Variants in CDH23 observed in about 807,000 individuals in gnomAD.
CDH23 encodes the protein cadherin related 23, also known as cadherin-23.
In CDH23, 189 loss-of-function variants were observed where a neutral mutation model predicts 317.1. The observed-to-expected ratio is 0.60, with a 90% CI of 0.53 to 0.67. The LOEUF (loss-of-function observed/expected upper bound fraction) is 0.67. Ranked by LOEUF, CDH23 falls within the 30% of genes least tolerant of loss-of-function variation. The pLI is 0.00. For synonymous variants in CDH23, 1,839 were observed against 1,876.8 expected, an observed-to-expected ratio of 0.98 and a Z score of 0.52; for missense variants, 4,401 against 4,592.4, an observed-to-expected ratio of 0.96 and a Z score of 1.20.
chr10:71,489,621 G>GTA lies in CDH23; in HGVS notation c.146-20460_146-20459insAT, dbSNP rs1425203579. Among the ~76,000 whole-genome samples the GTA allele has an allele frequency of 2.6e-5, 4 of 151,696 alleles. 1 individual carries two copies. The highest frequency in any genetic ancestry group is 2.6e-4 in the Admixed American group (4 of 15,214). Reference sequence around the variant, plus strand: ...TGTGTGTGTGTGTGTGTGTGTGTGTGTGTGTGTGTGTGTGAATTTTGACTG... The same window carrying GTA: ...TGTGTGTGTGTGTGTGTGTGTGTGTGTATGTGTGTGTGTGTGAATTTTGACTG... On this transcript the variant is annotated intron_variant, in intron 3 of 69. Transcript: ENST00000224721.
chr10:71,618,849 G>A (rs1011949053), intron 11 of CDH23, among the ~76,000 whole-genome samples: 6 of 152,126 alleles, frequency 3.9e-5, no homozygotes, highest in African/African-American at 1.2e-4. Flanking sequence ...ACACGTGTGT[G>A]TGTGTGTACA....
intron 7 of CDH23, among the ~76,000 whole-genome samples, chr10:71,569,613 T>A (rs1857644818): frequency 6.6e-6 from 1 of 152,164 alleles, no homozygotes; most frequent in African/African-American, 2.4e-5. Flanking sequence ...GTGGCAAATT[T>A]TTATGTGAAA....
intron 6 of CDH23, among the ~76,000 whole-genome samples, chr10:71,513,163 G>A (rs997134848): frequency 3.9e-5 from 6 of 152,018 alleles, no homozygotes; most frequent in East Asian, 1.9e-4. Context: ...TTAATTGCTC[G>A]TGTGTAAACA....
chr10:71,446,924 G>C (rs1309835551), intron 3 of CDH23, among the ~76,000 whole-genome samples: 1 of 152,192 alleles, frequency 6.6e-6, no homozygotes, highest in Non-Finnish European at 1.5e-5. Context: ...TCAGCTCTTA[G>C]GACCCAGAAG....
chr10:71,415,809 C>A (rs558208904), intron 1 of CDH23, among the ~76,000 whole-genome samples: 38 of 152,202 alleles, frequency 2.5e-4, no homozygotes, highest in African/African-American at 7.9e-4. Context: ...GGATTTCATA[C>A]TTTTTACAGT....
At chr10:71,719,929 G>T (rs1029221177) in intron 28 of CDH23, 1 of 152,826 alleles carries the variant, frequency 6.5e-6, no homozygotes, top group African/African-American at 2.4e-5. Flanking sequence ...ATGCCCCCTG[G>T]CCTTCCCACC....
intron 3 of CDH23, among the ~76,000 whole-genome samples, chr10:71,456,409 A>AATAACACTAAT (rs1850698630): frequency 7.0e-6 from 1 of 142,512 alleles, no homozygotes; most frequent in African/African-American, 3.1e-5. Context: ...CTAAGGTGAT[A>AATAACACTAAT]GAACAGACTG....
At chr10:71,772,322 T>C (rs1840704163) in intron 38 of CDH23, among the ~76,000 whole-genome samples, 1 of 152,168 alleles carries the variant, frequency 6.6e-6, no homozygotes, top group Non-Finnish European at 1.5e-5. Context: ...TCCTGCCCAC[T>C]GGGTCCCTGT....
chr10:71,610,879 A>T (rs1449329195), intron 9 of CDH23, among the ~76,000 whole-genome samples: 3 of 152,030 alleles, frequency 2.0e-5, no homozygotes, highest in Non-Finnish European at 4.4e-5. Context: ...AATTTGAATC[A>T]CCAGTTCCCA....
intron 3 of CDH23, among the ~76,000 whole-genome samples, chr10:71,473,421 G>A (rs937738165): frequency 2.6e-5 from 4 of 152,308 alleles, no homozygotes. Flanking sequence ...CTGTGTGCCG[G>A]ATATGATGTT....
intron 1 of CDH23, among the ~76,000 whole-genome samples, chr10:71,406,182 A>G (rs1394666360): frequency 6.6e-6 from 1 of 152,194 alleles, no homozygotes; most frequent in African/African-American, 2.4e-5. Context: ...TGTGAGAAGG[A>G]TAAGTATTAA....
At chr10:71,740,267 G>A (rs1839697484) in intron 36 of CDH23, among the ~76,000 whole-genome samples, 1 of 152,232 alleles carries the variant, frequency 6.6e-6, no homozygotes. Context: ...GGCTTTCTGG[G>A]AACCTCAGGA....
chr10:71,760,222 T>TATAC lies in CDH23; in HGVS notation c.4846-17455_4846-17454insCATA, dbSNP rs1564780241. On this transcript the variant is annotated intron_variant, in intron 38 of 69. Coordinates refer to ENST00000224721, the MANE Select transcript of CDH23 (RefSeq NM_022124.6). ...ACATATATATGTGTGTATATATGTG[T>TATAC]ATATATATGTATATACATATATATG... Among the ~76,000 whole-genome samples, 232 of 45,814 alleles carry TATAC rather than the reference T, an allele frequency of 5.1e-3. 74 individuals are homozygous for TATAC. Among genetic ancestry groups the TATAC allele is most frequent in the African/African-American group, 0.017 (212 of 12,750 alleles). 30.1% of individuals were successfully genotyped at this position (45,814 alleles called of 152,430 possible).
At chr10:71,642,523 C>A (rs895424348) in intron 11 of CDH23, among the ~76,000 whole-genome samples, 1 of 151,786 alleles carries the variant, frequency 6.6e-6, no homozygotes, top group East Asian at 1.9e-4. Flanking sequence ...CTCAGCCTCC[C>A]GAGTAGCTGG....
chr10:71,571,022 G>A (rs1026056412), intron 8 of CDH23, 104 bp downstream of exon 8: 2 of 1,320,106 alleles, frequency 1.5e-6, no homozygotes, highest in Non-Finnish European at 2.1e-6. Flanking sequence ...CTCCTCCTTG[G>A]CTCCTCCGCA....
intron 29 of CDH23, among the ~76,000 whole-genome samples, chr10:71,724,750 A>T (rs1032257018): frequency 4.6e-5 from 7 of 152,250 alleles, no homozygotes; most frequent in Admixed American, 1.3e-4. Flanking sequence ...ATCAGAATCC[A>T]GTGCCCATCC....
intron 28 of CDH23, among the ~76,000 whole-genome samples, chr10:71,720,086 A>T (rs1866481521): frequency 6.6e-6 from 1 of 152,162 alleles, no homozygotes; most frequent in Non-Finnish European, 1.5e-5. Context: ...CGGCAGCCAG[A>T]GGTTCGCTAT....
intron 34 of CDH23, chr10:71,737,716 A>T (rs1589387174): frequency 4.2e-6 from 2 of 470,728 alleles, no homozygotes; most frequent in Non-Finnish European, 8.8e-6. Context: ...TCATCAGTGA[A>T]CCCCTGGGTA....
At chr10:71,493,352 G>GTGTTC (rs2132146719) in intron 3 of CDH23, among the ~76,000 whole-genome samples, 1 of 152,186 alleles carries the variant, frequency 6.6e-6, no homozygotes, top group Non-Finnish European at 1.5e-5. Context: ...CATCTAGGCA[G>GTGTTC]TGTTCTCAGA....
Sources: gnomAD v4.1 joint callset for allele counts (sites outside exome capture counted in the v4.1 genomes callset) on GRCh38, gnomAD v4.1.1 for gene constraint, MANE v1.5 for transcripts, NCBI Gene and HGNC (gene_info 2026-07-23, HGNC 2026-07-21) for gene names.